The following CAMK2D variants were observed in gnomAD, a reference collection of about 807,000 sequenced individuals.
CAMK2D encodes the protein calcium/calmodulin dependent protein kinase II delta.
In CAMK2D, 37 loss-of-function variants were observed where a neutral mutation model predicts 84.0. The observed-to-expected ratio is 0.44, with a 90% CI of 0.34 to 0.58. The LOEUF is 0.58. Ranked by LOEUF, CAMK2D falls within the 20% of genes least tolerant of loss-of-function variation. The probability of loss-of-function intolerance (pLI) is 0.02; values close to 1 mark genes in which losing one functional copy is unlikely to be tolerated. For synonymous variants in CAMK2D, 202 were observed against 212.5 expected, an observed-to-expected ratio of 0.95 and a Z score of 0.43; for missense variants, 448 against 652.5, an observed-to-expected ratio of 0.69 and a Z score of 3.41.
In CAMK2D at chr4:113,760,989, G is replaced by C; in HGVS notation, c.65+15C>G. On this transcript the variant is annotated intron_variant, in intron 1 of 20. Coordinates refer to ENST00000511664, the MANE Select transcript of CAMK2D (RefSeq NM_001321571.2). Reference sequence around the variant, plus strand: ...CTGGAAAGGGGATATGCGGATGCCGGGCAAAGGTGCTTACTTTCCAAGCTC... The same window carrying C: ...CTGGAAAGGGGATATGCGGATGCCGCGCAAAGGTGCTTACTTTCCAAGCTC... 1 of 1,614,112 alleles carries C rather than the reference G, an allele frequency of 6.2e-7. No homozygotes were observed. The highest frequency in any genetic ancestry group is 2.2e-5 in the East Asian group (1 of 44,870).
intron 3 of CAMK2D, among the ~76,000 whole-genome samples, chr4:113,613,534 AC>A (rs1055727572): frequency 6.6e-6 from 1 of 152,118 alleles, no homozygotes; most frequent in Non-Finnish European, 1.5e-5. Context: ...GAAAAAGAAA[AC>A]CATTTTGACT....
chr4:113,713,611 C>G (rs2099501580), intron 2 of CAMK2D, among the ~76,000 whole-genome samples: 1 of 150,156 alleles, frequency 6.7e-6, no homozygotes, highest in Non-Finnish European at 1.5e-5. Flanking sequence ...CCTGGACTCT[C>G]TTTTTGTCAA....
chr4:113,503,642 T>C (rs2098086825), intron 14 of CAMK2D, among the ~76,000 whole-genome samples: 1 of 152,222 alleles, frequency 6.6e-6, no homozygotes, highest in South Asian at 2.1e-4. Context: ...CATACTGCTA[T>C]TAAATCCTGT....
chr4:113,733,640 T>C (rs1562116393), intron 2 of CAMK2D, among the ~76,000 whole-genome samples: 2 of 152,194 alleles, frequency 1.3e-5, no homozygotes, highest in African/African-American at 2.4e-5. Context: ...TTTGATATCA[T>C]TGTAAAAGCA....
chr4:113,707,906 T>C (rs1158828756), intron 2 of CAMK2D, among the ~76,000 whole-genome samples: 1 of 152,176 alleles, frequency 6.6e-6, no homozygotes, highest in East Asian at 1.9e-4. Context: ...CTGATACCAA[T>C]TCTCTGGAAT....
chr4:113,609,161 A>T lies in CAMK2D; in HGVS notation c.266T>A (p.Val89Glu). The T allele has an allele frequency of 6.4e-7, 1 of 1,566,406 alleles. No homozygotes were observed. The highest frequency in any genetic ancestry group is 8.8e-7 in the Non-Finnish European group (1 of 1,136,688). ...SISEEGFHYL[V>E]FDLVTGGELF... ...CAGAGTATATACTTACAAATCAAAC[A>T]CCAAGTAGTGAAAGCCCTCTTCTGA... Residue 89 changes from valine (V) to glutamate (E), a missense_variant, in exon 4 of 21, where the codon GTG becomes GAG. Val to Glu is a moderately radical substitution (Grantham distance 121). This residue lies in a region of CAMK2D where 46 missense variants were observed against 46.3 expected (regional missense o/e 0.99). Transcript: ENST00000511664.
chr4:113,472,108 G>A (rs1029642705), intron 16 of CAMK2D, among the ~76,000 whole-genome samples: 2 of 152,124 alleles, frequency 1.3e-5, no homozygotes, highest in Admixed American at 1.3e-4. Context: ...TTCAGACCCA[G>A]CTACTTTACG....
chr4:113,508,390 A>T, intron 13 of CAMK2D: 2 of 695,232 alleles, frequency 2.9e-6, no homozygotes, highest in Non-Finnish European at 5.1e-6. Flanking sequence ...GTTGAATGGA[A>T]GGAAAAAGTT....
At chr4:113,660,430 T>C (rs2099224379) in intron 3 of CAMK2D, among the ~76,000 whole-genome samples, 1 of 152,140 alleles carries the variant, frequency 6.6e-6, no homozygotes. Flanking sequence ...CAAGGTCTCA[T>C]TTTGTCACCC....
intron 16 of CAMK2D, among the ~76,000 whole-genome samples, chr4:113,490,737 T>C (rs1397683196): frequency 1.3e-5 from 2 of 148,878 alleles, no homozygotes; most frequent in Admixed American, 6.7e-5. Flanking sequence ...TTGGGCAGTA[T>C]GGTCATTTTC....
intron 2 of CAMK2D, among the ~76,000 whole-genome samples, chr4:113,686,697 A>G (rs975020926): frequency 1.3e-5 from 2 of 152,152 alleles, no homozygotes; most frequent in Admixed American, 1.3e-4. Context: ...AATGCTCTCA[A>G]TATATTTTTA....
Position 113,609,971 on chromosome 4 carries a change from A to C in CAMK2D, c.221-765T>G, listed in dbSNP as rs7672170. ...AGAACTACAAACCGCTGTATCTGCT[A>C]TTTACTTGTTCATAAGCCCCACACC... is the stretch of plus-strand genomic sequence containing the variant. On this transcript the variant is annotated intron_variant, in intron 3 of 20. Coordinates refer to ENST00000511664, the MANE Select transcript of CAMK2D (RefSeq NM_001321571.2). Among the ~76,000 whole-genome samples the C allele has an allele frequency of 5.6e-3, 858 of 152,124 alleles. 31 individuals are homozygous for C. In the East Asian group the frequency reaches 0.11, roughly 20 times the overall value.
At chr4:113,670,407 G>A (rs1005641231) in intron 2 of CAMK2D, among the ~76,000 whole-genome samples, 2 of 152,086 alleles carry the variant, frequency 1.3e-5, no homozygotes, top group Non-Finnish European at 2.9e-5. Context: ...ATTAGTTGGT[G>A]CATGTTAAGA....
Position 113,726,966 on chromosome 4 carries a change from G to A in CAMK2D, c.160+32354C>T, listed in dbSNP as rs575018518. On this transcript the variant is annotated intron_variant, in intron 2 of 20. Coordinates refer to ENST00000511664, the MANE Select transcript of CAMK2D (RefSeq NM_001321571.2). Reference sequence around the variant, plus strand: ...GAGATACCCTCTCTTAACACCAAACGCATATTTTCTTAGAATTGGTGTTTA... The same window carrying A: ...GAGATACCCTCTCTTAACACCAAACACATATTTTCTTAGAATTGGTGTTTA... 2.0e-4 allele frequency among the ~76,000 whole-genome samples: 30 copies of A among 152,212 alleles called. No homozygotes were observed. In the East Asian group the frequency reaches 2.1e-3, roughly 11 times the overall value.
At chr4:113,508,682 CA>C (rs1206480067) in intron 13 of CAMK2D, among the ~76,000 whole-genome samples, 6 of 152,268 alleles carry the variant, frequency 3.9e-5, no homozygotes, top group Admixed American at 3.3e-4. Flanking sequence ...CACAAATGCA[CA>C]GTCATCAGTG....
At chr4:113,625,836 C>A (rs1024073476) in intron 3 of CAMK2D, among the ~76,000 whole-genome samples, 14 of 151,982 alleles carry the variant, frequency 9.2e-5, no homozygotes, top group African/African-American at 3.1e-4. Context: ...TGAAAATACA[C>A]TGTAAGGAAG....
intron 3 of CAMK2D, among the ~76,000 whole-genome samples, chr4:113,659,843 C>G (rs55744645): frequency 0.032 from 4,811 of 152,098 alleles, 254 homozygotes; most frequent in African/African-American, 0.11. Context: ...TCTCCTCAAA[C>G]CAGAAGGTTC....
At chr4:113,490,801 A>C (rs1327554758) in intron 16 of CAMK2D, among the ~76,000 whole-genome samples, 3 of 124,436 alleles carry the variant, frequency 2.4e-5, no homozygotes, top group African/African-American at 1.0e-4. Context: ...ATTTGTTTGT[A>C]TCCTCTTTTA....
rs1367341451 is a variant in CAMK2D at position 113,569,454 on chromosome 4, C to A, written c.276-17358G>T. Among the ~76,000 whole-genome samples the A allele has an allele frequency of 7.2e-5, 11 of 152,098 alleles. 1 individual carries two copies. The highest frequency in any genetic ancestry group is 6.6e-4 in the Admixed American group (10 of 15,264). On this transcript the variant is annotated intron_variant, in intron 4 of 20. Transcript: ENST00000511664. ...AACTTTTAAATTTTGCATGGGATATCCAGTTTTGTTCTAATAATTCTGGTA... is the reference window on the plus strand; with the variant it reads ...AACTTTTAAATTTTGCATGGGATATACAGTTTTGTTCTAATAATTCTGGTA...
Sources: gnomAD v4.1 joint callset for allele counts (sites outside exome capture counted in the v4.1 genomes callset) on GRCh38, gnomAD v4.1.1 for gene constraint, gnomAD v4.1.1 regional missense constraint, MANE v1.5 for transcripts, NCBI Gene and HGNC (gene_info 2026-07-23, HGNC 2026-07-21) for gene names.